ATXN1: variants seen among roughly 807,000 people sequenced by gnomAD.
ATXN1 encodes ataxin-1.
In ATXN1, 8 loss-of-function variants were observed where a neutral mutation model predicts 56.4. The ratio of observed to expected loss-of-function variants is 0.14; its 90% CI spans 0.08 to 0.26. The LOEUF (loss-of-function observed/expected upper bound fraction) is 0.26. Among genes scored for constraint, ATXN1 ranks in the 10% least tolerant of loss-of-function variants. The pLI, the probability that ATXN1 is intolerant of heterozygous loss-of-function variation, is 1.00. For missense variants in ATXN1, 987 were observed against 1,106.5 expected, an observed-to-expected ratio of 0.89 and a Z score of 1.53; for synonymous variants, 514 against 494.6, an observed-to-expected ratio of 1.04 and a Z score of -0.52.
chr6:16,344,572 T>A (rs1761336665), intron 6 of ATXN1, among the ~76,000 whole-genome samples: 1 of 152,206 alleles, frequency 6.6e-6, no homozygotes, highest in Non-Finnish European at 1.5e-5. Context: ...ACACCCGACT[T>A]GAAGTTCTTC....
At chr6:16,572,931 A>G (rs1030098676) in intron 4 of ATXN1, among the ~76,000 whole-genome samples, 26 of 152,202 alleles carry the variant, frequency 1.7e-4, no homozygotes, top group African/African-American at 6.0e-4. Context: ...CCTAAGTAGA[A>G]TGGTGATTTA....
intron 3 of ATXN1, among the ~76,000 whole-genome samples, chr6:16,599,566 C>T (rs544649034): frequency 2.0e-4 from 31 of 152,076 alleles, no homozygotes; most frequent in African/African-American, 7.0e-4. Context: ...CAAAAATTAG[C>T]TGGGTATGGT....
At chr6:16,387,024 T>C (rs1249971990) in intron 6 of ATXN1, among the ~76,000 whole-genome samples, 2 of 152,192 alleles carry the variant, frequency 1.3e-5, no homozygotes, top group Non-Finnish European at 2.9e-5. Context: ...GGACAAGGAC[T>C]GTGTCTTAGT....
chr6:16,637,370 A>T lies in ATXN1; in HGVS notation c.-489+20406T>A, dbSNP rs112463780. Among the ~76,000 whole-genome samples, 5 of 147,956 alleles carry T rather than the reference A, an allele frequency of 3.4e-5. 1 individual carries two copies. Among genetic ancestry groups the T allele is most frequent in the African/African-American group, 1.2e-4 (5 of 40,582 alleles). The stretch of plus-strand genomic sequence containing the variant: ...ATGGAGTGGGGGGAGGGGGGAGGGA[A>T]AGCTTTAGGAGATATACCTAATGTA... On this transcript the variant is annotated intron_variant, in intron 3 of 7. Coordinates refer to ENST00000436367, the MANE Select transcript of ATXN1 (RefSeq NM_001128164.2).
At chr6:16,379,790 C>A (rs1457811752) in intron 6 of ATXN1, among the ~76,000 whole-genome samples, 3 of 152,192 alleles carry the variant, frequency 2.0e-5, no homozygotes, top group Non-Finnish European at 2.9e-5. Flanking sequence ...AAGTCAGCAG[C>A]AACTCACTCT....
At chr6:16,628,931 G>A (rs113842642) in intron 3 of ATXN1, among the ~76,000 whole-genome samples, 3,194 of 152,202 alleles carry the variant, frequency 0.021, 96 homozygotes, top group African/African-American at 0.069. Flanking sequence ...GAACATTTGC[G>A]TGCATGTGTC....
intron 6 of ATXN1, among the ~76,000 whole-genome samples, chr6:16,355,337 T>G (rs1160757208): frequency 6.6e-6 from 1 of 152,216 alleles, no homozygotes; most frequent in Non-Finnish European, 1.5e-5. Flanking sequence ...AGCAGGAATT[T>G]GCTGCCACCT....
chr6:16,377,956 T>C (rs770101646), intron 6 of ATXN1, among the ~76,000 whole-genome samples: 3 of 152,224 alleles, frequency 2.0e-5, no homozygotes, highest in Non-Finnish European at 2.9e-5. Context: ...TGACAAGCAA[T>C]TGAGCTCCAT....
intron 3 of ATXN1, among the ~76,000 whole-genome samples, chr6:16,589,498 T>C (rs1762685838): frequency 6.6e-6 from 1 of 150,602 alleles, no homozygotes; most frequent in African/African-American, 2.5e-5. Context: ...TACTGCAAAG[T>C]TCCAGAGCTG....
At chr6:16,535,530 C>A (rs1363683230) in intron 4 of ATXN1, among the ~76,000 whole-genome samples, 2 of 151,932 alleles carry the variant, frequency 1.3e-5, no homozygotes, top group Non-Finnish European at 2.9e-5. Context: ...TGGATTAGAA[C>A]CTAAAGAATA....
chr6:16,566,029 G>T (rs1392468096), intron 4 of ATXN1, among the ~76,000 whole-genome samples: 1 of 152,104 alleles, frequency 6.6e-6, no homozygotes, highest in African/African-American at 2.4e-5. Context: ...GATGGTAGGG[G>T]GAGGGAAGGG....
chr6:16,360,000 T>A (rs1761774340), intron 6 of ATXN1, among the ~76,000 whole-genome samples: 1 of 151,872 alleles, frequency 6.6e-6, no homozygotes, highest in African/African-American at 2.4e-5. Context: ...ACCGAAAATC[T>A]CAGAAATCAC....
chr6:16,692,337 T>C (rs1759066557), intron 2 of ATXN1, among the ~76,000 whole-genome samples: 1 of 152,236 alleles, frequency 6.6e-6, no homozygotes, highest in Non-Finnish European at 1.5e-5. Flanking sequence ...ACCTCTACCT[T>C]AGCAGCCATA....
chr6:16,394,226 A>C (rs1758410926), intron 6 of ATXN1, among the ~76,000 whole-genome samples: 1 of 152,198 alleles, frequency 6.6e-6, no homozygotes, highest in Non-Finnish European at 1.5e-5. Context: ...TATGGAAGGA[A>C]GTACAGGACA....
At chr6:16,412,484 A>C (rs996780908) in intron 6 of ATXN1, among the ~76,000 whole-genome samples, 3 of 152,156 alleles carry the variant, frequency 2.0e-5, no homozygotes, top group South Asian at 4.1e-4. Flanking sequence ...AACAAAATAA[A>C]ACTCCACCAA....
At chr6:16,631,894 C>T (rs1223484514) in intron 3 of ATXN1, among the ~76,000 whole-genome samples, 1 of 152,202 alleles carries the variant, frequency 6.6e-6, no homozygotes, top group Non-Finnish European at 1.5e-5. Context: ...AAATAAGCCA[C>T]TAGTGCTCGA....
At chr6:16,612,343 A>G (rs181862296) in intron 3 of ATXN1, among the ~76,000 whole-genome samples, 2 of 152,338 alleles carry the variant, frequency 1.3e-5, no homozygotes, top group Admixed American at 1.3e-4. Context: ...ACCTTTCAAT[A>G]TTCTGTGACC....
intron 6 of ATXN1, among the ~76,000 whole-genome samples, chr6:16,360,319 G>T (rs768182920): frequency 2.4e-4 from 37 of 152,080 alleles, no homozygotes; most frequent in Non-Finnish European, 4.6e-4. Flanking sequence ...TTAAAGTAGG[G>T]GAACAGATAT....
chr6:16,456,530 A>G (rs527322365), intron 6 of ATXN1, among the ~76,000 whole-genome samples: 2 of 152,210 alleles, frequency 1.3e-5, no homozygotes, highest in Non-Finnish European at 2.9e-5. Flanking sequence ...TAGGGTCGAC[A>G]GAGAGGAAAG....
Sources: gnomAD v4.1 joint callset for allele counts (sites outside exome capture counted in the v4.1 genomes callset) on GRCh38, gnomAD v4.1.1 for gene constraint, MANE v1.5 for transcripts, NCBI Gene and HGNC (gene_info 2026-07-23, HGNC 2026-07-21) for gene names.